Variants in AK9 observed in about 807,000 individuals in gnomAD.
AK9 encodes adenylate kinase domain containing 1.
In AK9, 191 loss-of-function variants were observed where a neutral mutation model predicts 239.6. The ratio of observed to expected loss-of-function variants is 0.80; its 90% CI spans 0.71 to 0.90. The LOEUF (loss-of-function observed/expected upper bound fraction) is 0.90. Ranked by LOEUF, AK9 falls within the 40% of genes least tolerant of loss-of-function variation. The pLI is 0.00. For missense variants in AK9, 1,995 were observed against 2,214.7 expected, an observed-to-expected ratio of 0.90 and a Z score of 1.99; for synonymous variants, 689 against 721.0, an observed-to-expected ratio of 0.96 and a Z score of 0.71.
intron 8 of AK9, among the ~76,000 whole-genome samples, chr6:109,650,809 T>C (rs1798817325): frequency 6.6e-6 from 1 of 152,144 alleles, no homozygotes; most frequent in Non-Finnish European, 1.5e-5. Context: ...CTATTCACAA[T>C]AGCAAAGACT....
chr6:109,586,667 C>G (rs1789542816), intron 17 of AK9, among the ~76,000 whole-genome samples: 2 of 152,158 alleles, frequency 1.3e-5, no homozygotes, highest in South Asian at 2.1e-4. Flanking sequence ...AGTGTGAGAG[C>G]TAAAAGGTAC....
At chr6:109,624,145 A>G (rs1022753926) in intron 12 of AK9, among the ~76,000 whole-genome samples, 2 of 151,982 alleles carry the variant, frequency 1.3e-5, no homozygotes, top group African/African-American at 2.4e-5. Context: ...TTGAAAATAC[A>G]TCAGGTAATC....
At chr6:109,495,278 TA>T in intron 39 of AK9, 59 bp downstream of exon 39, 1 of 1,328,930 alleles carries the variant, frequency 7.5e-7, no homozygotes, top group Non-Finnish European at 1.0e-6. Context: ...AAATTAGTGT[TA>T]AAAAGAAGAA....
intron 21 of AK9, among the ~76,000 whole-genome samples, chr6:109,569,215 C>A (rs1161412881): frequency 6.6e-6 from 1 of 152,152 alleles, no homozygotes; most frequent in African/African-American, 2.4e-5. Context: ...GCTGGGAAAA[C>A]TGGCTAGCCA....
chr6:109,514,107 C>T lies in AK9; in HGVS notation c.4279+117G>A, dbSNP rs72939262. On this transcript the variant is annotated intron_variant, in intron 32 of 40. Coordinates refer to ENST00000424296, the MANE Select transcript of AK9 (RefSeq NM_001145128.3). The stretch of plus-strand genomic sequence containing the variant: ...CCTGTCTCCTCACTCAGCCACCCTA[C>T]GATTAAATGTCTTTTTCTGCTGCAA... 8.3e-3 allele frequency: 8,056 copies of T among 972,728 alleles called. 170 individuals are homozygous for T. The highest frequency in any genetic ancestry group is 0.073 in the African/African-American group (4,390 of 60,356). 60.3% of individuals were successfully genotyped at this position (972,728 alleles called of 1,614,324 possible).
intron 5 of AK9, among the ~76,000 whole-genome samples, chr6:109,666,215 T>C (rs1268754824): frequency 2.0e-5 from 3 of 152,152 alleles, no homozygotes; most frequent in Non-Finnish European, 4.4e-5. Flanking sequence ...TAGACAATTA[T>C]GTCATCTAAG....
Position 109,684,706 on chromosome 6 carries a change from C to T in AK9, c.-12+6441G>A, listed in dbSNP as rs546604405. ...CGGCTAAAATGGTGAAACCCCGTCTCTACTAAAAATACAAAAAATTAGCCG... is the reference window on the plus strand; with the variant it reads ...CGGCTAAAATGGTGAAACCCCGTCTTTACTAAAAATACAAAAAATTAGCCG... On this transcript the variant is annotated intron_variant, in intron 1 of 40. Coordinates refer to ENST00000424296, the MANE Select transcript of AK9 (RefSeq NM_001145128.3). 7.1e-4 allele frequency among the ~76,000 whole-genome samples: 98 copies of T among 138,474 alleles called. No homozygotes were observed. The East Asian group carries it at 0.018, about 25-fold the overall frequency. 90.8% of individuals were successfully genotyped at this position (138,474 alleles called of 152,430 possible). A position where few individuals can be genotyped will look rare whatever the true frequency, so the allele number is the denominator to read the frequency against.
intron 9 of AK9, among the ~76,000 whole-genome samples, chr6:109,642,667 T>G (rs1245282189): frequency 3.9e-5 from 6 of 152,036 alleles, no homozygotes; most frequent in Non-Finnish European, 7.4e-5. Context: ...AGAAGCCTGC[T>G]GTATATGCTG....
chr6:109,509,121 A>T, intron 33 of AK9, 58 bp downstream of exon 33: 3 of 1,474,856 alleles, frequency 2.0e-6, no homozygotes, highest in Non-Finnish European at 2.7e-6. Flanking sequence ...ATCACGAGCG[A>T]GCAGTTTCTT....
intron 16 of AK9, 56 bp downstream of exon 16, chr6:109,611,954 T>C (rs918103594): frequency 8.4e-7 from 1 of 1,184,844 alleles, no homozygotes; most frequent in Non-Finnish European, 1.2e-6. Flanking sequence ...AGGGAACTAC[T>C]TGTGTTTTTT....
At chr6:109,545,719 C>T in intron 26 of AK9, 148 bp downstream of exon 26, 1 of 959,922 alleles carries the variant, frequency 1.0e-6, no homozygotes, top group Non-Finnish European at 1.5e-6. Context: ...GGAGGATCAC[C>T]TGAGCCCAGG....
chr6:109,622,469 T>C (rs1002254494), intron 12 of AK9, among the ~76,000 whole-genome samples: 1 of 142,100 alleles, frequency 7.0e-6, no homozygotes, highest in African/African-American at 2.5e-5. Context: ...ATAATATTAA[T>C]ATAATATATA....
Position 109,499,172 on chromosome 6 carries a change from C to A in AK9, c.4918G>T (p.Glu1640Ter). 6.3e-7 allele frequency: 1 copy of A among 1,596,926 alleles called. No individual in the cohort carries two copies. The highest frequency in any genetic ancestry group is 8.5e-7 in the Non-Finnish European group (1 of 1,170,824). The change falls in exon 36 of 41, where the codon GAA (glutamate) becomes TAA (stop). Residue 1640 changes from glutamate (E) to a stop codon, truncating the protein, a stop_gained. Transcript: ENST00000424296. LOFTEE classifies it high-confidence loss of function. ...QELLSRLGEF[E>*]QFCPVSLAES... ...GCCAGGCTGACAGGGCAGAACTGTT[C>A]AAATTCTCCCAGGCGAGAAAGCAGC... is the stretch of plus-strand genomic sequence containing the variant.
rs538078832 is a variant in AK9 at position 109,566,229 on chromosome 6, A to G, written c.2345-1384T>C. On this transcript the variant is annotated intron_variant, in intron 21 of 40. Transcript: ENST00000424296. The stretch of plus-strand genomic sequence containing the variant: ...TGCCAGGCAAGAAGTCTAAGTGAAA[A>G]GTACACGTGTGTGGGAGTCAGGGTA... Among the ~76,000 whole-genome samples the G allele has an allele frequency of 2.6e-5, 4 of 152,284 alleles. No homozygotes were observed. The South Asian group carries it at 6.2e-4, about 24-fold the overall frequency.
rs1783485663 is a variant in AK9 at position 109,545,850 on chromosome 6, A to G, written c.3225+17T>C. 1 of 1,577,890 alleles carries G rather than the reference A, an allele frequency of 6.3e-7. No individual in the cohort carries two copies. Among genetic ancestry groups the G allele is most frequent in the Non-Finnish European group, 8.6e-7 (1 of 1,167,786 alleles). ...GCAAAAACAAAACAAACAAAAAACA[A>G]AAAAAGAGATTACTACCTGCTTTTT... On this transcript the variant is annotated intron_variant, in intron 26 of 40. Coordinates refer to ENST00000424296, the MANE Select transcript of AK9 (RefSeq NM_001145128.3).
chr6:109,587,805 T>C (rs558509831), intron 17 of AK9, among the ~76,000 whole-genome samples: 7 of 152,364 alleles, frequency 4.6e-5, no homozygotes, highest in Non-Finnish European at 1.0e-4. Context: ...TTTGAGCAGA[T>C]ACTCAATAAT....
chr6:109,592,446 C>A, intron 17 of AK9, among the ~76,000 whole-genome samples: 1 of 126,770 alleles, frequency 7.9e-6, no homozygotes, highest in South Asian at 2.5e-4. Context: ...AATGGGATTT[C>A]TTTTTTTTTT....
At chr6:109,623,871 AC>A (rs1471540935) in intron 12 of AK9, among the ~76,000 whole-genome samples, 12 of 144,838 alleles carry the variant, frequency 8.3e-5, no homozygotes, top group African/African-American at 3.2e-4. Flanking sequence ...AGACACACAC[AC>A]ACACACACAC....
chr6:109,686,218 T>C lies in AK9; in HGVS notation c.-12+4929A>G, dbSNP rs145101555. On this transcript the variant is annotated intron_variant, in intron 1 of 40. Coordinates refer to ENST00000424296, the MANE Select transcript of AK9 (RefSeq NM_001145128.3). ...AATATCAGACCTAGTGAGCAGGAAG[T>C]TGCAAGTGTCCCGGATCCCCTTATA... Among the ~76,000 whole-genome samples, 22 of 152,318 alleles carry C rather than the reference T, an allele frequency of 1.4e-4. No individual in the cohort carries two copies. In the East Asian group the frequency reaches 3.9e-3, roughly 27 times the overall value.
Sources: gnomAD v4.1 joint callset for allele counts (sites outside exome capture counted in the v4.1 genomes callset) on GRCh38, gnomAD v4.1.1 for gene constraint, MANE v1.5 for transcripts, NCBI Gene and HGNC (gene_info 2026-07-23, HGNC 2026-07-21) for gene names.